SIK3: variants seen among roughly 807,000 people sequenced by gnomAD.
SIK3 encodes SIK family kinase 3, also known as serine/threonine-protein kinase SIK3.
A neutral mutation model predicts 144.2 loss-of-function variants in SIK3; 28 were observed. That is an observed-to-expected ratio of 0.19 (90% CI 0.14 to 0.27). The LOEUF is 0.27. Among genes scored for constraint, SIK3 ranks in the 10% least tolerant of loss-of-function variants. The probability of loss-of-function intolerance (pLI) is 1.00; values close to 1 mark genes in which losing one functional copy is unlikely to be tolerated. For missense variants in SIK3, 1,319 were observed against 1,776.0 expected (o/e 0.74, Z 4.62); for synonymous variants, 686 against 676.3 (o/e 1.01, Z -0.22).
chr11:116,963,648 G>T (rs1949426252), intron 1 of SIK3, among the ~76,000 whole-genome samples: 1 of 152,128 alleles, frequency 6.6e-6, no homozygotes, highest in African/African-American at 2.4e-5. Context: ...CAAACTCTGA[G>T]AACAACTGCC....
rs541586 is a variant in SIK3 at position 116,858,480 on chromosome 11, T to C, written c.2985A>G (p.Leu995=). 0.045 allele frequency: 72,648 copies of C among 1,606,946 alleles called. 9,762 individuals are homozygous for C. In the African/African-American group the frequency reaches 0.48, roughly 11 times the overall value. ...QQPPHYTTSA[L]QQALLSPTPP... ...GCGTGGGAGACAGCAGGGCCTGCTG[T>C]AGTGCCGACGTGGTATAGTGTGGCG... Residue 995 remains leucine (L), a synonymous_variant, in exon 21 of 25, where the codon CTA becomes CTG. Coordinates refer to ENST00000445177, the MANE Select transcript of SIK3 (RefSeq NM_001366686.3). This position sits in a 1 kb window ranked among gnomAD's most constrained non-coding sequence, Gnocchi z 5.4.
intron 24 of SIK3, among the ~76,000 whole-genome samples, chr11:116,845,941 G>A (rs896884980): frequency 4.6e-5 from 7 of 152,172 alleles, no homozygotes; most frequent in African/African-American, 1.7e-4. Flanking sequence ...GGAATATCCT[G>A]CCACTTGCTT....
In SIK3 at chr11:116,987,333, A is replaced by AAC. The variant is rs891064658; in HGVS notation, c.274-30270_274-30269insGT. 4.7e-5 allele frequency among the ~76,000 whole-genome samples: 5 copies of AAC among 107,002 alleles called. No individual in the cohort carries two copies. The South Asian group carries it at 1.5e-3, about 32-fold the overall frequency. The allele number at this position is 107,002 out of a possible 152,430, so 70.2% of individuals were successfully genotyped here. ...CTTCATAAAAGATTAAAAAAAAAAAAAAAAACACAGAGAGCCTGTTTCTAA... is the reference window on the plus strand; with the variant it reads ...CTTCATAAAAGATTAAAAAAAAAAAAACAAAAACACAGAGAGCCTGTTTCTAA... On this transcript the variant is annotated intron_variant, in intron 1 of 24. Coordinates refer to ENST00000445177, the MANE Select transcript of SIK3 (RefSeq NM_001366686.3).
chr11:116,905,172 A>G (rs2134877027), intron 4 of SIK3, among the ~76,000 whole-genome samples: 1 of 152,314 alleles, frequency 6.6e-6, no homozygotes, highest in South Asian at 2.1e-4. Flanking sequence ...AGACTTGTCA[A>G]TTTTGGACAT....
chr11:116,865,150 C>T (rs902034088), intron 15 of SIK3: 11 of 151,246 alleles, frequency 7.3e-5, no homozygotes, highest in African/African-American at 2.7e-4. Flanking sequence ...TCTGTTTCTA[C>T]TTCAGGTTGA....
At chr11:116,848,141 C>T (rs1942138775) in intron 22 of SIK3, among the ~76,000 whole-genome samples, 1 of 152,054 alleles carries the variant, frequency 6.6e-6, no homozygotes, top group Non-Finnish European at 1.5e-5. Context: ...GGTGAAACCC[C>T]GTCTCTACTA....
rs1555127047 is a variant in SIK3 at position 117,013,903 on chromosome 11, G to GTGTGT, written c.274-56840_274-56839insACACA. Among the ~76,000 whole-genome samples, 472 of 52,820 alleles carry GTGTGT rather than the reference G, an allele frequency of 8.9e-3. 29 individuals carry two copies. Among genetic ancestry groups the GTGTGT allele is most frequent in the African/African-American group, 0.018 (300 of 16,886 alleles). 34.7% of individuals were successfully genotyped at this position (52,820 alleles called of 152,430 possible). ...GATATAAGTCTCCAGATTCTGAGGGGGGGGGGGGGAGGGTGTGTGTGTGTG... is the reference window on the plus strand; with the variant it reads ...GATATAAGTCTCCAGATTCTGAGGGGTGTGTGGGGGGGGGAGGGTGTGTGTGTGTG... On this transcript the variant is annotated intron_variant, in intron 1 of 24. Transcript: ENST00000445177.
chr11:117,062,087 G>A (rs1953820067), intron 1 of SIK3, among the ~76,000 whole-genome samples: 1 of 151,984 alleles, frequency 6.6e-6, no homozygotes, highest in Non-Finnish European at 1.5e-5. Flanking sequence ...CACTTTGGGA[G>A]GCGTAGGTAG....
At chr11:116,944,744 CCTT>C (rs1461758073) in intron 3 of SIK3, among the ~76,000 whole-genome samples, 1 of 152,152 alleles carries the variant, frequency 6.6e-6, no homozygotes, top group Non-Finnish European at 1.5e-5. Context: ...TTTTGTGAAT[CCTT>C]CTAGCTATTT....
chr11:116,873,880 A>G (rs746222053), intron 12 of SIK3, 23 bp downstream of exon 12: 2 of 1,598,090 alleles, frequency 1.3e-6, no homozygotes, highest in Admixed American at 3.6e-5. Flanking sequence ...TTCTGGAGCC[A>G]GCCCTCTTCC....
At chr11:116,857,643 T>C (rs1943026978) in intron 21 of SIK3, 167 bp downstream of exon 21, 2 of 1,179,088 alleles carry the variant, frequency 1.7e-6, no homozygotes, top group African/African-American at 3.1e-5. Flanking sequence ...ATGGACCCCT[T>C]GCCCACCAAT....
chr11:116,934,427 C>T (rs1437978825), intron 3 of SIK3, among the ~76,000 whole-genome samples: 3 of 152,214 alleles, frequency 2.0e-5, no homozygotes, highest in East Asian at 1.9e-4. Context: ...AAAAGGCACA[C>T]TAACATATAT....
At chr11:117,096,526 T>C (rs747789300) in intron 1 of SIK3, among the ~76,000 whole-genome samples, 2 of 152,174 alleles carry the variant, frequency 1.3e-5, no homozygotes, top group Non-Finnish European at 2.9e-5. Flanking sequence ...CACCAAAGTC[T>C]TGGCTCAATC....
At chr11:116,957,609 C>T (rs1949188474) in intron 1 of SIK3, among the ~76,000 whole-genome samples, 1 of 152,000 alleles carries the variant, frequency 6.6e-6, no homozygotes. Context: ...CAGCATCTAC[C>T]ATATACGAAA....
chr11:116,993,769 C>G (rs1950571248), intron 1 of SIK3, among the ~76,000 whole-genome samples: 1 of 152,184 alleles, frequency 6.6e-6, no homozygotes, highest in Admixed American at 6.5e-5. Flanking sequence ...TGAAAAACCT[C>G]TGAAATGCTT....
At chr11:116,900,537 A>G (rs1390142089) in intron 4 of SIK3, among the ~76,000 whole-genome samples, 1 of 152,190 alleles carries the variant, frequency 6.6e-6, no homozygotes, top group Non-Finnish European at 1.5e-5. Flanking sequence ...CAGCATTGTC[A>G]TTTAAGGCCC....
intron 8 of SIK3, 39 bp from the exon 9 acceptor site, chr11:116,876,048 G>A (rs768180267): frequency 4.8e-5 from 77 of 1,610,024 alleles, no homozygotes; most frequent in Non-Finnish European, 6.4e-5. Context: ...AAACCCTGGT[G>A]AAATGGCATG....
chr11:117,031,526 T>C (rs1392827127), intron 1 of SIK3, among the ~76,000 whole-genome samples: 2 of 150,828 alleles, frequency 1.3e-5, no homozygotes, highest in Non-Finnish European at 3.0e-5. Context: ...ATTTTTATTT[T>C]ATTTATTTAT....
Position 116,875,461 on chromosome 11 carries a change from A to G in SIK3, c.1240-10T>C. The G allele has an allele frequency of 6.2e-7, 1 of 1,613,714 alleles. No individual in the cohort carries two copies. The highest frequency in any genetic ancestry group is 8.5e-7 in the Non-Finnish European group (1 of 1,179,704). On this transcript the variant is annotated splice_polypyrimidine_tract_variant and intron_variant, in intron 9 of 24. Transcript: ENST00000445177. Reference sequence around the variant, plus strand: ...TACCTGCCTGCTCCGCCTGGAAAGCAGTACATACATATACACGCATACCTT... The same window carrying G: ...TACCTGCCTGCTCCGCCTGGAAAGCGGTACATACATATACACGCATACCTT...
Sources: allele counts gnomAD v4.1 joint callset (sites outside exome capture counted in the v4.1 genomes callset), GRCh38; gene constraint gnomAD v4.1.1; non-coding constraint Gnocchi (gnomAD v3.1); transcripts MANE v1.5; gene names NCBI Gene and HGNC (gene_info 2026-07-23, HGNC 2026-07-21).